Variants in DMD observed in about 807,000 individuals in gnomAD.
DMD encodes dystrophin.
A neutral mutation model predicts 330.1 loss-of-function variants in DMD; 63 were observed. The observed-to-expected ratio is 0.19, with a 90% CI of 0.16 to 0.24. The LOEUF (loss-of-function observed/expected upper bound fraction) is 0.24, where lower values mean the gene tolerates loss of function less well. DMD is among the 10% of genes least tolerant of loss of function. DMD has a pLI of 1.00. For synonymous variants in DMD, 1,223 were observed against 959.8 expected (o/e 1.27, Z -5.07); for missense variants, 3,344 against 2,684.1 (o/e 1.25, Z -5.43).
intron 43 of DMD, among the ~76,000 whole-genome samples, chrX:32,220,551 C>T (rs2097128647): frequency 9.0e-6 from 1 of 111,175 alleles, no homozygotes; most frequent in Admixed American, 9.6e-5. Context: ...ATAGCACAGT[C>T]TAAATCTATT....
chrX:32,969,836 A>G (rs1277387022), intron 2 of DMD, among the ~76,000 whole-genome samples: 2 of 94,910 alleles, frequency 2.1e-5, no homozygotes, highest in Non-Finnish European at 4.0e-5. Context: ...ACTACCACCA[A>G]GCTATGTCCA....
chrX:32,878,345 C>T (rs2083553333), intron 2 of DMD, among the ~76,000 whole-genome samples: 1 of 111,154 alleles, frequency 9.0e-6, no homozygotes, highest in African/African-American at 3.3e-5. Flanking sequence ...TCCACTGCAC[C>T]CCAGCCTGGG....
intron 76 of DMD, among the ~76,000 whole-genome samples, chrX:31,138,970 T>C (rs2035693104): frequency 8.9e-6 from 1 of 112,228 alleles, no homozygotes; most frequent in African/African-American, 3.3e-5. Flanking sequence ...TTTTTTCACT[T>C]ATTCAACAAG....
chrX:31,444,284 G>A (rs1473927999), intron 60 of DMD, among the ~76,000 whole-genome samples, 197 bp downstream of exon 60: 1 of 111,227 alleles, frequency 9.0e-6, no homozygotes, highest in South Asian at 3.8e-4. Flanking sequence ...CATATACTAA[G>A]TCTTAGTTGC....
At position 33,057,852 on chromosome X, in the gene DMD, A is replaced by C. The variant is rs12006659; in HGVS notation, c.32-37652T>G. 2.7e-3 allele frequency among the ~76,000 whole-genome samples: 295 copies of C among 110,950 alleles called. 1 individual carries two copies. Among genetic ancestry groups the C allele is most frequent in the African/African-American group, 9.1e-3 (277 of 30,433 alleles). On this transcript the variant is annotated intron_variant, in intron 1 of 78. Transcript: ENST00000357033. ...TTTATTACTATATAATATTCCACGG[A>C]TATACCCAATTTTTGTTTTTTGTTT...
chrX:33,200,373 A>G (rs1207220347), intron 1 of DMD, among the ~76,000 whole-genome samples: 2 of 111,110 alleles, frequency 1.8e-5, no homozygotes, highest in Non-Finnish European at 3.8e-5. Flanking sequence ...TCATACGTAA[A>G]CCACTTAATT....
In DMD at chrX:31,366,498, A is replaced by C. The variant is rs1450989771; in HGVS notation, c.9085-17864T>G. Among the ~76,000 whole-genome samples, 4 of 48,786 alleles carry C rather than the reference A, an allele frequency of 8.2e-5. 1 individual carries two copies. The highest frequency in any genetic ancestry group is 1.6e-4 in the Non-Finnish European group (4 of 25,489). 42.4% of individuals were successfully genotyped at this position (48,786 alleles called of 115,157 possible). On this transcript the variant is annotated intron_variant, in intron 60 of 78. Transcript: ENST00000357033. ...AAAAAAAAAAAAAAAAAAAAAAAAC[A>C]TAAAAAAAAAAATAAATAAATAAAA...
At chrX:31,672,400 ATC>A (rs1207087068) in intron 53 of DMD, among the ~76,000 whole-genome samples, 1 of 112,182 alleles carries the variant, frequency 8.9e-6, no homozygotes, top group African/African-American at 3.2e-5. Flanking sequence ...CTGTATAGAT[ATC>A]TGTTAGGTCT....
chrX:31,453,263 G>A (rs1480386754), intron 59 of DMD, among the ~76,000 whole-genome samples: 1 of 111,150 alleles, frequency 9.0e-6, no homozygotes, highest in African/African-American at 3.3e-5. Context: ...CCAGGTTCAA[G>A]CAATTCTGCT....
intron 11 of DMD, among the ~76,000 whole-genome samples, chrX:32,614,843 T>A (rs1360968953): frequency 1.8e-5 from 2 of 111,284 alleles, no homozygotes; most frequent in African/African-American, 6.5e-5. Flanking sequence ...ATGAGGTCTA[T>A]TTTCCATCCC....
chrX:33,268,923 A>T (rs2148911183), intron 1 of DMD, among the ~76,000 whole-genome samples: 1 of 106,461 alleles, frequency 9.4e-6, no homozygotes, highest in Admixed American at 1.0e-4. Context: ...AAAAAAAAAA[A>T]AAAAAATCAA....
intron 60 of DMD, among the ~76,000 whole-genome samples, chrX:31,437,122 CA>C (rs2064588470): frequency 9.0e-6 from 1 of 111,700 alleles, no homozygotes; most frequent in Non-Finnish European, 1.9e-5. Flanking sequence ...TTCTCAATAA[CA>C]TTCCAAAAAC....
chrX:33,148,802 C>T (rs751640259), intron 1 of DMD, among the ~76,000 whole-genome samples: 14 of 112,006 alleles, frequency 1.2e-4, no homozygotes, highest in Non-Finnish European at 2.1e-4. Flanking sequence ...AGATGACCTG[C>T]TGAAAAACCT....
Position 32,044,644 on chromosome X carries a change from G to A in DMD, c.6439-76130C>T, listed in dbSNP as rs181194309. On this transcript the variant is annotated intron_variant, in intron 44 of 78. Transcript: ENST00000357033. ...TCACTGTGTTAGCCAGGATGGTCTCGATCTCCTGACATCATGATCCGCCCG... is the reference window on the plus strand; with the variant it reads ...TCACTGTGTTAGCCAGGATGGTCTCAATCTCCTGACATCATGATCCGCCCG... Among the ~76,000 whole-genome samples, 367 of 110,107 alleles carry A rather than the reference G, an allele frequency of 3.3e-3. 1 individual carries two copies. The highest frequency in any genetic ancestry group is 0.011 in the African/African-American group (339 of 30,259).
chrX:32,675,786 CAG>C (rs1350359795), intron 9 of DMD, among the ~76,000 whole-genome samples: 1 of 111,760 alleles, frequency 8.9e-6, no homozygotes, highest in Non-Finnish European at 1.9e-5. Context: ...GATATATTAA[CAG>C]AATCTTCTCA....
chrX:32,572,095 C>T (rs915620837), intron 15 of DMD, among the ~76,000 whole-genome samples: 5 of 111,797 alleles, frequency 4.5e-5, no homozygotes, highest in African/African-American at 1.3e-4. Context: ...ACTCTATTTT[C>T]GGCAGTCACA....
chrX:31,539,984 C>T (rs143415303), intron 55 of DMD, among the ~76,000 whole-genome samples: 27 of 111,552 alleles, frequency 2.4e-4, no homozygotes, highest in African/African-American at 7.8e-4. Context: ...TAGCCGATGA[C>T]CCCAAATTTT....
chrX:33,067,435 G>T (rs1366290753), intron 1 of DMD, among the ~76,000 whole-genome samples: 1 of 112,595 alleles, frequency 8.9e-6, no homozygotes, highest in Non-Finnish European at 1.9e-5. Flanking sequence ...AATCAAAGAG[G>T]TGATTTTCTT....
chrX:31,773,982 T>TTGA lies in DMD; in HGVS notation c.7517_7519dup (p.Ile2506dup), dbSNP rs747729720. ...TACCTTCTGCTTGATGATCATCTCG[T>TTGA]TGATATCCTCAAGGTCACCCACCAT... On this transcript the variant is annotated inframe_insertion, in exon 51 of 79. Transcript: ENST00000357033. 1 of 1,205,300 alleles carries TTGA rather than the reference T, an allele frequency of 8.3e-7. No individual in the cohort carries two copies. The highest frequency in any genetic ancestry group is 1.1e-6 in the Non-Finnish European group (1 of 892,867).
Sources: allele counts gnomAD v4.1 joint callset (sites outside exome capture counted in the v4.1 genomes callset), GRCh38; gene constraint gnomAD v4.1.1; transcripts MANE v1.5; gene names NCBI Gene and HGNC (gene_info 2026-07-23, HGNC 2026-07-21).